Variants in AUTS2 observed in about 807,000 individuals in gnomAD.
AUTS2 encodes the protein autism susceptibility gene 2 protein.
A neutral mutation model predicts 112.4 loss-of-function variants in AUTS2; 17 were observed. The observed-to-expected ratio is 0.15, with a 90% CI of 0.10 to 0.23. The LOEUF (loss-of-function observed/expected upper bound fraction) is 0.23, where lower values mean the gene tolerates loss of function less well. Among genes scored for constraint, AUTS2 ranks in the 10% least tolerant of loss-of-function variants. AUTS2 has a pLI of 1.00. For missense variants in AUTS2, 1,510 were observed against 1,701.6 expected, an observed-to-expected ratio of 0.89 and a Z score of 1.98; for synonymous variants, 751 against 702.7, an observed-to-expected ratio of 1.07 and a Z score of -1.09.
chr7:70,494,442 G>T (rs755008138), intron 5 of AUTS2, among the ~76,000 whole-genome samples: 7 of 152,156 alleles, frequency 4.6e-5, no homozygotes, highest in Non-Finnish European at 7.3e-5. Context: ...GGCCCATGGC[G>T]AGGAAAATGC....
chr7:70,655,126 G>A (rs1441571180), intron 5 of AUTS2, among the ~76,000 whole-genome samples: 3 of 152,140 alleles, frequency 2.0e-5, no homozygotes, highest in African/African-American at 7.2e-5. Flanking sequence ...ATTGCTCTTG[G>A]GACATCCCAC....
chr7:70,216,220 G>A (rs1811158159), intron 4 of AUTS2, among the ~76,000 whole-genome samples: 1 of 152,154 alleles, frequency 6.6e-6, no homozygotes, highest in African/African-American at 2.4e-5. Flanking sequence ...CAAATTTCCA[G>A]TGTACATATG....
intron 5 of AUTS2, among the ~76,000 whole-genome samples, chr7:70,558,734 C>G (rs1030976652): frequency 6.6e-6 from 1 of 152,218 alleles, no homozygotes; most frequent in African/African-American, 2.4e-5. Context: ...TTTATTCATC[C>G]TATTTCCTTT....
chr7:70,507,293 C>G (rs1469378630), intron 5 of AUTS2, among the ~76,000 whole-genome samples: 3 of 152,064 alleles, frequency 2.0e-5, no homozygotes, highest in Admixed American at 6.6e-5. Context: ...AATACCACTG[C>G]TTTGGGAGGC....
At chr7:70,607,432 G>A (rs1328254271) in intron 5 of AUTS2, among the ~76,000 whole-genome samples, 1 of 152,196 alleles carries the variant, frequency 6.6e-6, no homozygotes, top group Non-Finnish European at 1.5e-5. Flanking sequence ...AGAAAGCAGT[G>A]AGGTCTCAGG....
At chr7:70,636,043 G>T (rs1158511147) in intron 5 of AUTS2, among the ~76,000 whole-genome samples, 1 of 152,224 alleles carries the variant, frequency 6.6e-6, no homozygotes, top group Non-Finnish European at 1.5e-5. Flanking sequence ...CTGGAAGAAG[G>T]AGTGATTTGG....
At chr7:69,790,730 T>G (rs1276779990) in intron 1 of AUTS2, among the ~76,000 whole-genome samples, 1 of 152,260 alleles carries the variant, frequency 6.6e-6, no homozygotes, top group African/African-American at 2.4e-5. Flanking sequence ...CTTGTCCCAT[T>G]AAGAATATTA....
In AUTS2 at chr7:69,599,761, C is replaced by G. The variant is rs1051354561; in HGVS notation, c.108C>G (p.Gly36=). ...SRGGLGAGAA[G]GGGAGRTRAL... is the part of the protein sequence containing the mutation. ...GCGGGCTGGGGGCCGGCGCGGCCGGCGGCGGCGGGGCTGGCCGGACCCGGG... is the reference window on the plus strand; with the variant it reads ...GCGGGCTGGGGGCCGGCGCGGCCGGGGGCGGCGGGGCTGGCCGGACCCGGG... Residue 36 remains glycine (G), a synonymous_variant, in exon 1 of 19, where the codon GGC becomes GGG. Coordinates refer to ENST00000342771, the MANE Select transcript of AUTS2 (RefSeq NM_015570.4). The surrounding 1 kb of genome is among the most constrained non-coding windows in gnomAD (Gnocchi z 7.0). The G allele has an allele frequency of 6.5e-6, 9 of 1,377,340 alleles. No individual in the cohort carries two copies. In the African/African-American group the frequency reaches 1.4e-4, roughly 21 times the overall value. 85.3% of individuals were successfully genotyped at this position (1,377,340 alleles called of 1,614,324 possible). A position where few individuals can be genotyped will look rare whatever the true frequency, so the allele number is the denominator to read the frequency against.
At chr7:69,857,267 C>T (rs765715573) in intron 1 of AUTS2, among the ~76,000 whole-genome samples, 6 of 152,154 alleles carry the variant, frequency 3.9e-5, no homozygotes, top group South Asian at 2.1e-4. Flanking sequence ...AGCAGGCTCA[C>T]GCAGTCCTGG....
chr7:70,130,284 T>C (rs1483673597), intron 3 of AUTS2, among the ~76,000 whole-genome samples: 1 of 152,222 alleles, frequency 6.6e-6, no homozygotes, highest in Non-Finnish European at 1.5e-5. Flanking sequence ...ATGGCCTCTC[T>C]GTGTGGATTT....
chr7:70,488,659 A>T (rs1798114579), intron 5 of AUTS2, among the ~76,000 whole-genome samples: 1 of 152,078 alleles, frequency 6.6e-6, no homozygotes, highest in South Asian at 2.1e-4. Flanking sequence ...GCCAGCCTGA[A>T]TTGAGCCTCA....
chr7:70,628,243 T>C (rs1805054844), intron 5 of AUTS2, among the ~76,000 whole-genome samples: 2 of 151,956 alleles, frequency 1.3e-5, no homozygotes, highest in African/African-American at 2.4e-5. Context: ...ATGAAGCTCT[T>C]GAAGCTTAAG....
intron 4 of AUTS2, among the ~76,000 whole-genome samples, chr7:70,405,839 T>A (rs1794511479): frequency 6.6e-6 from 1 of 152,244 alleles, no homozygotes; most frequent in South Asian, 2.1e-4. Flanking sequence ...TTATATGTAT[T>A]CATGTTTCAG....
chr7:69,859,167 A>G (rs1792865911), intron 1 of AUTS2, among the ~76,000 whole-genome samples: 1 of 152,208 alleles, frequency 6.6e-6, no homozygotes, highest in Admixed American at 6.5e-5. Context: ...TGTGCTTTCA[A>G]AGGAAGCAAA....
intron 1 of AUTS2, among the ~76,000 whole-genome samples, chr7:69,859,460 CAGAG>C (rs1346226442): frequency 6.6e-6 from 1 of 152,162 alleles, no homozygotes; most frequent in Non-Finnish European, 1.5e-5. Context: ...AGATGACAAA[CAGAG>C]AGACTGTTAG....
At chr7:70,150,066 C>A (rs756621623) in intron 4 of AUTS2, among the ~76,000 whole-genome samples, 1 of 152,022 alleles carries the variant, frequency 6.6e-6, no homozygotes, top group Non-Finnish European at 1.5e-5. Context: ...TTAAACTAAT[C>A]TTATTTGGCA....
intron 2 of AUTS2, among the ~76,000 whole-genome samples, chr7:69,986,575 T>C (rs530154747): frequency 6.6e-6 from 1 of 152,346 alleles, no homozygotes; most frequent in African/African-American, 2.4e-5. Context: ...CTGTAAACTT[T>C]CCAGTATTCC....
chr7:69,885,177 T>C (rs1794219718), intron 1 of AUTS2, among the ~76,000 whole-genome samples: 1 of 152,246 alleles, frequency 6.6e-6, no homozygotes, highest in Non-Finnish European at 1.5e-5. Context: ...CAGGAATTTC[T>C]ACTTTTTGTG....
intron 1 of AUTS2, among the ~76,000 whole-genome samples, chr7:69,807,572 T>C (rs924691638): frequency 6.6e-6 from 1 of 152,096 alleles, no homozygotes; most frequent in Non-Finnish European, 1.5e-5. Flanking sequence ...ATTCTTAGTG[T>C]AAATTTTTTT....
Sources: gnomAD v4.1 joint callset for allele counts (sites outside exome capture counted in the v4.1 genomes callset) on GRCh38, gnomAD v4.1.1 for gene constraint, Gnocchi (gnomAD v3.1) non-coding constraint, MANE v1.5 for transcripts, NCBI Gene and HGNC (gene_info 2026-07-23, HGNC 2026-07-21) for gene names.